Variants in TRMT61A observed in about 807,000 individuals in gnomAD.
TRMT61A encodes the protein tRNA methyltransferase 61A.
In TRMT61A, 15 loss-of-function variants were observed where a neutral mutation model predicts 21.3. The observed-to-expected ratio is 0.70, with a 90% CI of 0.47 to 1.08. The LOEUF (loss-of-function observed/expected upper bound fraction) is 1.08, where lower values mean the gene tolerates loss of function less well. Among genes scored for constraint, TRMT61A ranks in the 50% least tolerant of loss-of-function variants. The pLI, the probability that TRMT61A is intolerant of heterozygous loss-of-function variation, is 0.00. For missense variants in TRMT61A, 352 were observed against 426.7 expected, an observed-to-expected ratio of 0.83 and a Z score of 1.54; for synonymous variants, 183 against 185.5, an observed-to-expected ratio of 0.99 and a Z score of 0.11.
chr14:103,530,849 C>T (rs1409584647), intron 2 of TRMT61A, among the ~76,000 whole-genome samples: 4 of 152,202 alleles, frequency 2.6e-5, no homozygotes, highest in Non-Finnish European at 4.4e-5. Context: ...CCCAGTGTGG[C>T]GATTGAAGCC....
rs1012976189 is a variant in TRMT61A at position 103,536,453 on chromosome 14, G to A, written c.*1632G>A. 2 of 152,248 alleles carry A rather than the reference G, an allele frequency of 1.3e-5. No homozygotes were observed. Among genetic ancestry groups the A allele is most frequent in the Non-Finnish European group, 2.9e-5 (2 of 68,084 alleles). The allele number at this position is 152,248 out of a possible 1,614,324, so 9.4% of individuals were successfully genotyped here. A position where few individuals can be genotyped will look rare whatever the true frequency, so the allele number is the denominator to read the frequency against. On this transcript the variant is annotated 3_prime_UTR_variant, in exon 4 of 4. Transcript: ENST00000389749. The stretch of plus-strand genomic sequence containing the variant: ...TTGCTCAGCCCTGCTCCGAGGGCTT[G>A]TCCTCTCCTTCCAGGACCCAGCTTC...
chr14:103,536,797 T>C lies in TRMT61A; in HGVS notation c.*1976T>C, dbSNP rs1218583458. ...GTGCCCATTTTCCAGCCGGGGCTGG[T>C]TGCCCTGGTGGCAGCCCTGGGTGAG... On this transcript the variant is annotated 3_prime_UTR_variant, in exon 4 of 4. Transcript: ENST00000389749. The C allele has an allele frequency of 2.6e-5, 4 of 152,222 alleles. No individual in the cohort carries two copies. The highest frequency in any genetic ancestry group is 9.7e-5 in the African/African-American group (4 of 41,424). The allele number at this position is 152,222 out of a possible 1,614,324, so 9.4% of individuals were successfully genotyped here. A position where few individuals can be genotyped will look rare whatever the true frequency, so the allele number is the denominator to read the frequency against.
intron 2 of TRMT61A, 101 bp downstream of exon 2, chr14:103,530,410 G>C: frequency 9.4e-7 from 1 of 1,060,164 alleles, no homozygotes; most frequent in Non-Finnish European, 1.3e-6. Context: ...TGGCTCCTCA[G>C]TTTCTATTTT....
Position 103,534,633 on chromosome 14 carries a change from C to G in TRMT61A, c.682C>G (p.Leu228Val), listed in dbSNP as rs2075966631. 6.2e-7 allele frequency: 1 copy of G among 1,610,494 alleles called. No homozygotes were observed. The highest frequency in any genetic ancestry group is 1.3e-5 in the African/African-American group (1 of 75,030). The change falls in exon 4 of 4, where the codon CTG becomes GTG. Residue 228 changes from leucine to valine, a missense_variant. Physicochemically the swap from Leu to Val is conservative, Grantham distance 32. Transcript: ENST00000389749. ...GCTGGCAGCGCGCGGCTTCTCAGAG[C>G]TGAGCACCCTGGAGGTGCTGCCACA... Reference protein sequence around the residue: ...QALAARGFSELSTLEVLPQVY... With the variant: ...QALAARGFSEVSTLEVLPQVY...
rs1359850567 is a variant in TRMT61A, at chr14:103,534,870, G to A, written c.*49G>A. On this transcript the variant is annotated 3_prime_UTR_variant, in exon 4 of 4. Coordinates refer to ENST00000389749, the MANE Select transcript of TRMT61A (RefSeq NM_152307.3). ...GGAGCTGGGAGCACTGAAGGGCTGG[G>A]CAGGGAGGCCAGAGGCACCTTATAT... 2 of 1,528,466 alleles carry A rather than the reference G, an allele frequency of 1.3e-6. No individual in the cohort carries two copies. Among genetic ancestry groups the A allele is most frequent in the South Asian group, 1.2e-5 (1 of 83,176 alleles). The allele number at this position is 1,528,466 out of a possible 1,614,324, so 94.7% of individuals were successfully genotyped here. A position where few individuals can be genotyped will look rare whatever the true frequency, so the allele number is the denominator to read the frequency against.
chr14:103,529,943 TC>T lies in TRMT61A; in HGVS notation c.-29-3del. On this transcript the variant is annotated splice_polypyrimidine_tract_variant and splice_region_variant and intron_variant, in intron 1 of 3. Coordinates refer to ENST00000389749, the MANE Select transcript of TRMT61A (RefSeq NM_152307.3). The stretch of plus-strand genomic sequence containing the variant: ...ACTTGCTCATGCCTACACACACCCC[TC>T]CCCAGGTCCTTGGCCCTTGCCAGAC... 1 of 1,558,806 alleles carries T rather than the reference TC, an allele frequency of 6.4e-7. No individual in the cohort carries two copies.
chr14:103,532,782 G>A lies in TRMT61A; in HGVS notation c.532G>A (p.Val178Ile), dbSNP rs373346624. Residue 178 changes from valine to isoleucine, a missense_variant, in exon 3 of 4, where the codon GTC becomes ATC. Transcript: ENST00000389749. ...TGGCGTGAGCCACGTGGCCGACGCC[G>A]TCTTCCTGGACATCCCATCACCCTG... ...GFGVSHVADAVFLDIPSPWEA... is the reference protein window; with the variant it reads ...GFGVSHVADAIFLDIPSPWEA... The A allele has an allele frequency of 2.5e-5, 40 of 1,572,886 alleles. No homozygotes were observed. Among genetic ancestry groups the A allele is most frequent in the African/African-American group, 8.1e-5 (6 of 73,710 alleles).
At chr14:103,534,414 T>G in intron 3 of TRMT61A, 136 bp from the exon 4 acceptor site, 2 of 1,052,472 alleles carry the variant, frequency 1.9e-6, no homozygotes, top group Non-Finnish European at 2.6e-6. Context: ...TCCCAGCTCT[T>G]GGAGAGCTTG....
chr14:103,529,965 C>T lies in TRMT61A; in HGVS notation c.-14C>T, dbSNP rs761812612. The T allele has an allele frequency of 6.3e-7, 1 of 1,593,562 alleles. No individual in the cohort carries two copies. The highest frequency in any genetic ancestry group is 1.3e-5 in the African/African-American group (1 of 74,672). On this transcript the variant is annotated 5_prime_UTR_variant, in exon 2 of 4. Transcript: ENST00000389749. Reference sequence around the variant, plus strand: ...CCCTCCCCAGGTCCTTGGCCCTTGCCAGACATTAGCACCATGAGCTTCGTG... The same window carrying T: ...CCCTCCCCAGGTCCTTGGCCCTTGCTAGACATTAGCACCATGAGCTTCGTG...
intron 2 of TRMT61A, among the ~76,000 whole-genome samples, chr14:103,530,656 A>G (rs906331383): frequency 1.3e-5 from 2 of 152,200 alleles, no homozygotes; most frequent in Non-Finnish European, 2.9e-5. Flanking sequence ...ATGGTGAAGC[A>G]GAGAGAGTTG....
chr14:103,533,366 T>C (rs927497772), intron 3 of TRMT61A, among the ~76,000 whole-genome samples: 6 of 151,866 alleles, frequency 4.0e-5, no homozygotes, highest in African/African-American at 9.7e-5. Context: ...CAGCTGAGAG[T>C]TGTATTCTGA....
At chr14:103,533,644 G>A (rs1473671447) in intron 3 of TRMT61A, among the ~76,000 whole-genome samples, 2 of 152,194 alleles carry the variant, frequency 1.3e-5, no homozygotes, top group African/African-American at 4.8e-5. Flanking sequence ...CCCCCCTGCT[G>A]CCTTTGTGAC....
Position 103,532,789 on chromosome 14 carries a change from T to C in TRMT61A, c.539T>C (p.Leu180Pro). 1 of 1,571,662 alleles carries C rather than the reference T, an allele frequency of 6.4e-7. No homozygotes were observed. Among genetic ancestry groups the C allele is most frequent in the Non-Finnish European group, 8.6e-7 (1 of 1,159,118 alleles). The change falls in exon 3 of 4, where the codon CTG (leucine) becomes CCG (proline). Residue 180 changes from leucine (L) to proline (P), a missense_variant. Coordinates refer to ENST00000389749, the MANE Select transcript of TRMT61A (RefSeq NM_152307.3). ...AGCCACGTGGCCGACGCCGTCTTCC[T>C]GGACATCCCATCACCCTGGGAGGCC... ...GVSHVADAVF[L>P]DIPSPWEAVG... is the part of the protein sequence containing the mutation.
At chr14:103,533,581 G>A (rs1034620354) in intron 3 of TRMT61A, among the ~76,000 whole-genome samples, 8 of 152,162 alleles carry the variant, frequency 5.3e-5, no homozygotes, top group African/African-American at 1.9e-4. Flanking sequence ...GGACACTTCT[G>A]GGCCTGGACC....
Position 103,535,457 on chromosome 14 carries a change from C to T in TRMT61A, c.*636C>T, listed in dbSNP as rs1268707364. 2.5e-6 allele frequency: 1 copy of T among 406,006 alleles called. No homozygotes were observed. Among genetic ancestry groups the T allele is most frequent in the Non-Finnish European group, 4.9e-6 (1 of 202,144 alleles). 25.2% of individuals were successfully genotyped at this position (406,006 alleles called of 1,614,324 possible). ...AGCCCAGGCCTTCGTCCACTCATGT[C>T]CAAGAGGCGGGGCATCCCCCACCCA... On this transcript the variant is annotated 3_prime_UTR_variant, in exon 4 of 4. Transcript: ENST00000389749.
Position 103,532,572 on chromosome 14 carries a change from G to A in TRMT61A, c.332-10G>A. ...ACTGATGCCTTGCCCATCCCTTCTT[G>A]TCCTGCCAGGCACCGGCAGTGGCTC... On this transcript the variant is annotated splice_polypyrimidine_tract_variant and intron_variant, in intron 2 of 3. Coordinates refer to ENST00000389749, the MANE Select transcript of TRMT61A (RefSeq NM_152307.3). The A allele has an allele frequency of 6.2e-7, 1 of 1,613,184 alleles. No homozygotes were observed. Among genetic ancestry groups the A allele is most frequent in the South Asian group, 1.1e-5 (1 of 91,088 alleles).
chr14:103,532,609 C>A lies in TRMT61A; in HGVS notation c.359C>A (p.Ala120Asp), dbSNP rs2075958338. 4 of 1,613,414 alleles carry A rather than the reference C, an allele frequency of 2.5e-6. No homozygotes were observed. Among genetic ancestry groups the A allele is most frequent in the Non-Finnish European group, 3.4e-6 (4 of 1,180,010 alleles). The change falls in exon 3 of 4, where the codon GCC (alanine) becomes GAC (aspartate). Residue 120 changes from alanine to aspartate, a missense_variant. By Grantham distance (126) the Ala-to-Asp change is moderately radical. Transcript: ENST00000389749. ...SGTGSGSVSH[A>D]IIRTIAPTGH... is the part of the protein sequence containing the mutation. ...ACCGGCAGTGGCTCTGTGTCCCACG[C>A]CATCATCCGCACCATTGCACCCACG...
In TRMT61A at chr14:103,535,179, G is replaced by T. The variant is rs1166952904; in HGVS notation, c.*358G>T. 3 of 546,448 alleles carry T rather than the reference G, an allele frequency of 5.5e-6. No individual in the cohort carries two copies. The highest frequency in any genetic ancestry group is 7.0e-6 in the Non-Finnish European group (2 of 284,750). The allele number at this position is 546,448 out of a possible 1,614,324, so 33.8% of individuals were successfully genotyped here. On this transcript the variant is annotated 3_prime_UTR_variant, in exon 4 of 4. Transcript: ENST00000389749. The stretch of plus-strand genomic sequence containing the variant: ...AGCAGGAAGGGGGTGGAGGAGGGAG[G>T]GGGGCATTGACCCTGAGACCACGCT...
Position 103,535,035 on chromosome 14 carries a change from G to A in TRMT61A, c.*214G>A. The A allele has an allele frequency of 1.4e-6, 1 of 722,128 alleles. No individual in the cohort carries two copies. The highest frequency in any genetic ancestry group is 2.5e-6 in the Non-Finnish European group (1 of 403,764). The allele number at this position is 722,128 out of a possible 1,614,324, so 44.7% of individuals were successfully genotyped here. A position where few individuals can be genotyped will look rare whatever the true frequency, so the allele number is the denominator to read the frequency against. On this transcript the variant is annotated 3_prime_UTR_variant, in exon 4 of 4. Coordinates refer to ENST00000389749, the MANE Select transcript of TRMT61A (RefSeq NM_152307.3). ...GCCTCAGCCATTCCTGTCCAGCCCT[G>A]TGGCCCATCCCAGCTGCTGTTTGTT...
Sources: gnomAD v4.1 joint callset for allele counts (sites outside exome capture counted in the v4.1 genomes callset) on GRCh38, gnomAD v4.1.1 for gene constraint, MANE v1.5 for transcripts, NCBI Gene and HGNC (gene_info 2026-07-23, HGNC 2026-07-21) for gene names.